SLC9A8: variants seen among roughly 807,000 people sequenced by gnomAD.
SLC9A8 encodes the protein sodium/hydrogen exchanger 8.
In SLC9A8, 48 loss-of-function variants were observed where a neutral mutation model predicts 66.6. The ratio of observed to expected loss-of-function variants is 0.72; its 90% confidence interval spans 0.57 to 0.92. The LOEUF is 0.92. SLC9A8 is among the 40% of genes least tolerant of loss of function. The probability of loss-of-function intolerance (pLI) is 0.00; values close to 1 mark genes in which losing one functional copy is unlikely to be tolerated. For synonymous variants in SLC9A8, 274 were observed against 282.6 expected (o/e 0.97, Z 0.31); for missense variants, 599 against 747.3 (o/e 0.80, Z 2.31).
chr20:49,857,735 A>C (rs958366015), intron 8 of SLC9A8, among the ~76,000 whole-genome samples: 1 of 152,144 alleles, frequency 6.6e-6, no homozygotes, highest in African/African-American at 2.4e-5. Context: ...ACAAACAAAC[A>C]AAAGGGTACT....
At chr20:49,870,892 G>A (rs2089184766) in intron 10 of SLC9A8, among the ~76,000 whole-genome samples, 1 of 152,080 alleles carries the variant, frequency 6.6e-6, no homozygotes, top group African/African-American at 2.4e-5. Context: ...TGTAGAGCCA[G>A]TCTCACTCTG....
At chr20:49,850,920 G>A (rs752534474) in intron 7 of SLC9A8, 76 bp downstream of exon 7, 4 of 1,066,864 alleles carry the variant, frequency 3.7e-6, no homozygotes, top group African/African-American at 1.6e-5. Context: ...TGCTTCCTGG[G>A]TGTGGTACTG....
intron 3 of SLC9A8, among the ~76,000 whole-genome samples, chr20:49,836,197 C>T (rs1022755481): frequency 3.3e-5 from 5 of 152,186 alleles, no homozygotes; most frequent in African/African-American, 1.2e-4. Context: ...TGGCTTCTTT[C>T]ACTTGGTGTA....
rs1484142784 is a variant in SLC9A8 at position 49,886,181 on chromosome 20, C to T, written c.1492-571C>T. Among the ~76,000 whole-genome samples, 2 of 151,994 alleles carry T rather than the reference C, an allele frequency of 1.3e-5. No homozygotes were observed. Among genetic ancestry groups the T allele is most frequent in the African/African-American group, 4.8e-5 (2 of 41,370 alleles). ...CCCCACTGAGACTCCTCCAGCAGAGCAGGCGCTGCACTCAGAGCCTGTCTG... is the reference window on the plus strand; with the variant it reads ...CCCCACTGAGACTCCTCCAGCAGAGTAGGCGCTGCACTCAGAGCCTGTCTG... On this transcript the variant is annotated intron_variant, in intron 14 of 15. Transcript: ENST00000361573. This position sits in a 1 kb window ranked among gnomAD's most constrained non-coding sequence, Gnocchi z 4.8.
chr20:49,867,698 C>T (rs1276188322), intron 10 of SLC9A8, among the ~76,000 whole-genome samples: 1 of 151,780 alleles, frequency 6.6e-6, no homozygotes, highest in Non-Finnish European at 1.5e-5. Context: ...CCTTTGTCTC[C>T]CTTCCGGCAG....
chr20:49,845,019 T>C lies in SLC9A8; in HGVS notation c.349-17T>C, dbSNP rs1426783754. 1.3e-6 allele frequency: 2 copies of C among 1,570,304 alleles called. No individual in the cohort carries two copies. Among genetic ancestry groups the C allele is most frequent in the Non-Finnish European group, 1.8e-6 (2 of 1,140,354 alleles). On this transcript the variant is annotated splice_polypyrimidine_tract_variant and intron_variant, in intron 4 of 15. Coordinates refer to ENST00000361573, the MANE Select transcript of SLC9A8 (RefSeq NM_015266.3). ...CACAAATTCCATGCCCTTAAGATAC[T>C]CATTTTCTATTTACAGGAAGAAGAA...
chr20:49,812,982 C>T, intron 1 of SLC9A8, 34 bp downstream of exon 1: 4 of 1,376,758 alleles, frequency 2.9e-6, no homozygotes, highest in South Asian at 1.6e-5. Flanking sequence ...GCGGAGGCGG[C>T]GGGGCTGGGC....
chr20:49,859,753 G>A (rs1446266879), intron 8 of SLC9A8, among the ~76,000 whole-genome samples: 2 of 152,180 alleles, frequency 1.3e-5, no homozygotes, highest in East Asian at 1.9e-4. Context: ...TGCTATGATA[G>A]TGTGTTCTTA....
chr20:49,830,277 A>G, intron 3 of SLC9A8: 1 of 1,128,546 alleles, frequency 8.9e-7, no homozygotes, highest in Non-Finnish European at 1.4e-6. Context: ...AATCGTCTCT[A>G]ACTTGCTAAA....
At chr20:49,867,687 A>ATGG (rs1367715771) in intron 10 of SLC9A8, among the ~76,000 whole-genome samples, 1 of 151,808 alleles carries the variant, frequency 6.6e-6, no homozygotes, top group Non-Finnish European at 1.5e-5. Context: ...AAGAGTGGCC[A>ATGG]CCTTTGTCTC....
At chr20:49,859,135 A>G (rs1032640288) in intron 8 of SLC9A8, among the ~76,000 whole-genome samples, 1 of 152,130 alleles carries the variant, frequency 6.6e-6, no homozygotes, top group South Asian at 2.1e-4. Context: ...CTCTTCCTCT[A>G]CCAGCAGCAC....
chr20:49,815,332 G>A (rs899911927), intron 2 of SLC9A8, 143 bp downstream of exon 2: 1 of 533,160 alleles, frequency 1.9e-6, no homozygotes. Flanking sequence ...AACATGATCA[G>A]TTTATAACAT....
chr20:49,823,744 T>C (rs1229351802), intron 3 of SLC9A8, among the ~76,000 whole-genome samples: 1 of 152,130 alleles, frequency 6.6e-6, no homozygotes, highest in Non-Finnish European at 1.5e-5. Flanking sequence ...AAGGAAGAAG[T>C]GGGGAATTTC....
At chr20:49,815,700 A>T (rs2086523610) in intron 2 of SLC9A8, among the ~76,000 whole-genome samples, 1 of 152,004 alleles carries the variant, frequency 6.6e-6, no homozygotes, top group Non-Finnish European at 1.5e-5. Flanking sequence ...AGCCGAGATC[A>T]CGCCGCTGCA....
intron 2 of SLC9A8, among the ~76,000 whole-genome samples, chr20:49,816,370 A>G (rs1310525779): frequency 1.3e-5 from 2 of 152,216 alleles, no homozygotes; most frequent in East Asian, 3.9e-4. Flanking sequence ...CGGTGAGCCA[A>G]GATCGTGCCA....
chr20:49,872,850 T>C (rs2089269345), intron 10 of SLC9A8, among the ~76,000 whole-genome samples: 2 of 152,230 alleles, frequency 1.3e-5, no homozygotes, highest in African/African-American at 4.8e-5. Flanking sequence ...ATGGCAGAAG[T>C]GAATTAAAAC....
At chr20:49,867,161 T>G (rs1443059031) in intron 10 of SLC9A8, among the ~76,000 whole-genome samples, 1 of 152,262 alleles carries the variant, frequency 6.6e-6, no homozygotes, top group African/African-American at 2.4e-5. Flanking sequence ...TATTAAGTTT[T>G]GATTGGATGT....
chr20:49,863,189 A>AT (rs1301725359), intron 9 of SLC9A8, 122 bp downstream of exon 9: 8 of 857,776 alleles, frequency 9.3e-6, no homozygotes, highest in East Asian at 2.7e-5. Flanking sequence ...TTAAAGGAGG[A>AT]TTTTTTTGCT....
chr20:49,860,436 G>T (rs1427200235), intron 8 of SLC9A8, among the ~76,000 whole-genome samples: 2 of 152,110 alleles, frequency 1.3e-5, no homozygotes, highest in East Asian at 3.8e-4. Flanking sequence ...CAATCCTGGG[G>T]CCTGGCATGG....
Sources: gnomAD v4.1 joint callset for allele counts (sites outside exome capture counted in the v4.1 genomes callset) on GRCh38, gnomAD v4.1.1 for gene constraint, Gnocchi (gnomAD v3.1) non-coding constraint, MANE v1.5 for transcripts, NCBI Gene and HGNC (gene_info 2026-07-23, HGNC 2026-07-21) for gene names.